Variants in BRAF observed in about 807,000 individuals in gnomAD.
BRAF encodes serine/threonine-protein kinase B-raf.
A neutral mutation model predicts 104.6 loss-of-function variants in BRAF; 16 were observed. The ratio of observed to expected loss-of-function variants is 0.15; its 90% CI spans 0.10 to 0.23. BRAF has a LOEUF of 0.23. Ranked by LOEUF, BRAF falls within the 10% of genes least tolerant of loss-of-function variation. The pLI is 1.00. For missense variants in BRAF, 541 were observed against 937.3 expected, an observed-to-expected ratio of 0.58 and a Z score of 5.52; for synonymous variants, 310 against 341.6, an observed-to-expected ratio of 0.91 and a Z score of 1.02.
At chr7:140,892,764 C>T (rs1392887283) in intron 1 of BRAF, among the ~76,000 whole-genome samples, 1 of 152,092 alleles carries the variant, frequency 6.6e-6, no homozygotes, top group Non-Finnish European at 1.5e-5. Flanking sequence ...ACACAGACCT[C>T]CCTGTCTTTA....
chr7:140,721,511 T>C lies in BRAF; in HGVS notation c.*4983A>G. 7.1e-7 allele frequency: 1 copy of C among 1,403,194 alleles called. No homozygotes were observed. The highest frequency in any genetic ancestry group is 9.2e-7 in the Non-Finnish European group (1 of 1,081,992). 86.9% of individuals were successfully genotyped at this position (1,403,194 alleles called of 1,614,324 possible). A position where few individuals can be genotyped will look rare whatever the true frequency, so the allele number is the denominator to read the frequency against. On this transcript the variant is annotated 3_prime_UTR_variant, in exon 20 of 20. Coordinates refer to ENST00000644969, the MANE Select transcript of BRAF (RefSeq NM_001374258.1). Reference sequence around the variant, plus strand: ...AAACAGAGCTTACTGTCTAGTGTACTAATAAAACAAACATCTTACCAGTAT... The same window carrying C: ...AAACAGAGCTTACTGTCTAGTGTACCAATAAAACAAACATCTTACCAGTAT...
chr7:140,844,830 G>A (rs1022060977), intron 2 of BRAF, among the ~76,000 whole-genome samples: 7 of 151,900 alleles, frequency 4.6e-5, no homozygotes, highest in Admixed American at 1.3e-4. Flanking sequence ...GCTGAGGCAC[G>A]AGAATCACTT....
chr7:140,806,106 C>CT (rs1437790897), intron 5 of BRAF, among the ~76,000 whole-genome samples: 7 of 152,194 alleles, frequency 4.6e-5, no homozygotes. Context: ...AACCTTGTAT[C>CT]ATCCATTCTG....
At chr7:140,771,264 T>C (rs1799820178) in intron 14 of BRAF, among the ~76,000 whole-genome samples, 2 of 152,188 alleles carry the variant, frequency 1.3e-5, no homozygotes, top group Admixed American at 1.3e-4. Context: ...GGCACGATCA[T>C]GGCTCACTGC....
At chr7:140,798,495 C>T (rs936498152) in intron 7 of BRAF, among the ~76,000 whole-genome samples, 6 of 149,608 alleles carry the variant, frequency 4.0e-5, no homozygotes, top group African/African-American at 4.9e-5. Flanking sequence ...CTCCCGACCT[C>T]GTGATCCGCC....
chr7:140,734,027 T>C, intron 19 of BRAF: 1 of 1,038,322 alleles, frequency 9.6e-7, no homozygotes, highest in Non-Finnish European at 1.2e-6. Context: ...AAAAAGAAAC[T>C]TAGTTTATTG....
At chr7:140,790,877 T>C (rs1480565408) in intron 8 of BRAF, among the ~76,000 whole-genome samples, 1 of 151,916 alleles carries the variant, frequency 6.6e-6, no homozygotes, top group Admixed American at 6.6e-5. Context: ...GAGGCGGAGG[T>C]GGGCGGATCA....
chr7:140,797,338 G>T (rs1802595811), intron 7 of BRAF, among the ~76,000 whole-genome samples: 1 of 152,048 alleles, frequency 6.6e-6, no homozygotes, highest in Non-Finnish European at 1.5e-5. Flanking sequence ...AGAAAAGGAG[G>T]TATCTCTCAC....
At chr7:140,758,581 T>A (rs533442897) in intron 14 of BRAF, among the ~76,000 whole-genome samples, 5 of 151,992 alleles carry the variant, frequency 3.3e-5, no homozygotes, top group African/African-American at 1.2e-4. Context: ...CAGCATCTTG[T>A]GTAGCTGGGA....
chr7:140,909,310 A>G (rs1816699427), intron 1 of BRAF, among the ~76,000 whole-genome samples: 1 of 152,132 alleles, frequency 6.6e-6, no homozygotes, highest in African/African-American at 2.4e-5. Flanking sequence ...CTGTAATCCC[A>G]GCTACTTGGG....
intron 1 of BRAF, among the ~76,000 whole-genome samples, chr7:140,880,042 T>C (rs1812720564): frequency 6.6e-6 from 1 of 152,126 alleles, no homozygotes. Flanking sequence ...GGCAATTTCT[T>C]AAAACAAGAC....
At chr7:140,757,173 T>TA (rs756301893) in intron 14 of BRAF, among the ~76,000 whole-genome samples, 8 of 152,176 alleles carry the variant, frequency 5.3e-5, no homozygotes, top group Non-Finnish European at 8.8e-5. Context: ...ATAGAATTTT[T>TA]AAAAAAGGGC....
Position 140,722,251 on chromosome 7 carries a change from CTG to C in BRAF, c.*4241_*4242del, listed in dbSNP as rs985988470. The C allele has an allele frequency of 8.5e-6, 9 of 1,055,862 alleles. No homozygotes were observed. The highest frequency in any genetic ancestry group is 4.2e-4 in the Middle Eastern group (1 of 2,360). 65.4% of individuals were successfully genotyped at this position (1,055,862 alleles called of 1,614,324 possible). The stretch of plus-strand genomic sequence containing the variant: ...ATAATTTTGTTCACTGAAAATTTAC[CTG>C]TGTGTTTTCTCATTGTTAAATGTGA... On this transcript the variant is annotated 3_prime_UTR_variant, in exon 20 of 20. Transcript: ENST00000644969.
At chr7:140,786,928 T>A (rs1183596483) in intron 9 of BRAF, among the ~76,000 whole-genome samples, 3 of 152,218 alleles carry the variant, frequency 2.0e-5, no homozygotes, top group Non-Finnish European at 4.4e-5. Flanking sequence ...AAAACTGTAG[T>A]CTACGGCCAT....
At chr7:140,728,050 A>G (rs1170709723) in intron 19 of BRAF, among the ~76,000 whole-genome samples, 5 of 152,208 alleles carry the variant, frequency 3.3e-5, no homozygotes, top group Non-Finnish European at 2.9e-5. Context: ...TGGTTGCTAG[A>G]TAACACTGGC....
chr7:140,883,280 T>C (rs1167482038), intron 1 of BRAF, among the ~76,000 whole-genome samples: 1 of 152,162 alleles, frequency 6.6e-6, no homozygotes, highest in Non-Finnish European at 1.5e-5. Flanking sequence ...TCCTATTTAG[T>C]CACACCATAT....
At chr7:140,800,532 A>G (rs887877277) in intron 6 of BRAF, 51 bp from the exon 7 acceptor site, 14 of 1,613,294 alleles carry the variant, frequency 8.7e-6, no homozygotes, top group Admixed American at 1.7e-5. Flanking sequence ...CAGAAGCTTC[A>G]TATACCAAAA....
At chr7:140,824,092 T>C (rs1049248284) in intron 3 of BRAF, 1 of 152,208 alleles carries the variant, frequency 6.6e-6, no homozygotes, top group African/African-American at 2.4e-5. Flanking sequence ...CCATTCCAGG[T>C]TGGCTTTTCA....
At chr7:140,811,967 G>A (rs894046149) in intron 3 of BRAF, among the ~76,000 whole-genome samples, 2 of 152,046 alleles carry the variant, frequency 1.3e-5, no homozygotes, top group South Asian at 4.1e-4. Context: ...TTCGTCTTCC[G>A]CCTATACTAA....
Sources: allele counts gnomAD v4.1 joint callset (sites outside exome capture counted in the v4.1 genomes callset), GRCh38; gene constraint gnomAD v4.1.1; transcripts MANE v1.5; gene names NCBI Gene and HGNC (gene_info 2026-07-23, HGNC 2026-07-21).